The following XPO1 variants were observed in gnomAD, a reference collection of about 807,000 sequenced individuals.
XPO1 encodes exportin-1.
Under a neutral mutation model 133.3 loss-of-function variants are expected in XPO1, and 5 were observed. That is an observed-to-expected ratio of 0.04 (90% CI 0.02 to 0.08). XPO1 has a LOEUF of 0.08. Among genes scored for constraint, XPO1 ranks in the 10% least tolerant of loss-of-function variants. The pLI is 1.00. For missense variants in XPO1, 506 were observed against 1,267.5 expected, an observed-to-expected ratio of 0.40 and a Z score of 9.12; for synonymous variants, 419 against 408.2, an observed-to-expected ratio of 1.03 and a Z score of -0.32.
In XPO1 at chr2:61,479,823, A is replaced by G. The variant is rs574454351; in HGVS notation, c.3070-857T>C. On this transcript the variant is annotated intron_variant, in intron 24 of 24. Transcript: ENST00000401558. ...GACAATCCACCTGTCTCGGCCTCCC[A>G]AAGTGCTAGGATTACAGGCATGAGC... is the stretch of plus-strand genomic sequence containing the variant. 3.9e-5 allele frequency among the ~76,000 whole-genome samples: 6 copies of G among 152,160 alleles called. No individual in the cohort carries two copies. In the East Asian group the frequency reaches 1.2e-3, roughly 29 times the overall value.
chr2:61,523,041 C>CT (rs2104755444), intron 3 of XPO1, among the ~76,000 whole-genome samples: 1 of 152,342 alleles, frequency 6.6e-6, no homozygotes, highest in East Asian at 1.9e-4. Context: ...GGCTCACGTA[C>CT]TTTAACACGA....
At chr2:61,518,408 A>G (rs1698507751) in intron 4 of XPO1, among the ~76,000 whole-genome samples, 1 of 141,694 alleles carries the variant, frequency 7.1e-6, no homozygotes, top group African/African-American at 2.8e-5. Flanking sequence ...AACAAAAAAC[A>G]AAAAACAAAA....
At chr2:61,517,697 C>T (rs77514681) in intron 4 of XPO1, among the ~76,000 whole-genome samples, 15,495 of 152,104 alleles carry the variant, frequency 0.1, 972 homozygotes, top group East Asian at 0.3. Context: ...CAATTTGGGA[C>T]GGCAAAGTAG....
intron 4 of XPO1, among the ~76,000 whole-genome samples, chr2:61,504,504 CTT>C (rs1697699892): frequency 6.6e-6 from 1 of 152,186 alleles, no homozygotes; most frequent in South Asian, 2.1e-4. Context: ...TCACTTTACG[CTT>C]TGTCACCAAA....
chr2:61,513,544 C>T (rs1436188790), intron 4 of XPO1, among the ~76,000 whole-genome samples: 2 of 151,574 alleles, frequency 1.3e-5, no homozygotes, highest in Admixed American at 6.6e-5. Flanking sequence ...AGGCTCGTCT[C>T]GAACTGCTGA....
chr2:61,503,217 A>G (rs1268815487), intron 4 of XPO1, among the ~76,000 whole-genome samples: 3 of 152,018 alleles, frequency 2.0e-5, no homozygotes, highest in Non-Finnish European at 2.9e-5. Context: ...TCGGCCTCCC[A>G]AAGTGCTGGG....
intron 6 of XPO1, among the ~76,000 whole-genome samples, chr2:61,501,421 G>GA (rs1217339519): frequency 6.6e-6 from 1 of 152,012 alleles, no homozygotes; most frequent in Admixed American, 6.6e-5. Flanking sequence ...AGGCATATCA[G>GA]AAAATTAAAA....
chr2:61,531,994 G>A (rs1314612393), intron 2 of XPO1, among the ~76,000 whole-genome samples: 2 of 152,076 alleles, frequency 1.3e-5, no homozygotes, highest in Non-Finnish European at 2.9e-5. Flanking sequence ...CAGTACTGTT[G>A]CATTTCATAA....
chr2:61,481,382 C>G (rs1696344457), intron 23 of XPO1, 101 bp from the exon 24 acceptor site: 2 of 646,844 alleles, frequency 3.1e-6, no homozygotes, highest in East Asian at 6.8e-5. Flanking sequence ...GATCTCTGCT[C>G]ACTGTAATCT....
chr2:61,478,690 C>CAT lies in XPO1; in HGVS notation c.*129_*130insAT, dbSNP rs897148373. 103 of 873,644 alleles carry CAT rather than the reference C, an allele frequency of 1.2e-4. No homozygotes were observed. In the African/African-American group the frequency reaches 1.6e-3, roughly 14 times the overall value. 54.1% of individuals were successfully genotyped at this position (873,644 alleles called of 1,614,324 possible). On this transcript the variant is annotated 3_prime_UTR_variant, in exon 25 of 25. Coordinates refer to ENST00000401558, the MANE Select transcript of XPO1 (RefSeq NM_003400.4). The stretch of plus-strand genomic sequence containing the variant: ...ACAGAAAATTTCTTATACAAAAAAA[C>CAT]ACATAAGAAAAAGGGCCACTAGGTG...
chr2:61,478,259 C>T lies in XPO1; in HGVS notation c.*561G>A, dbSNP rs982707062. ...TTCCCATATTTTTGAAGTCGCTTTA[C>T]AATGGGATGATATGCACATGATCTT... On this transcript the variant is annotated 3_prime_UTR_variant, in exon 25 of 25. Transcript: ENST00000401558. 4 of 233,554 alleles carry T rather than the reference C, an allele frequency of 1.7e-5. No homozygotes were observed. The highest frequency in any genetic ancestry group is 8.8e-5 in the African/African-American group (4 of 45,310). The allele number at this position is 233,554 out of a possible 1,614,324, so 14.5% of individuals were successfully genotyped here. A position where few individuals can be genotyped will look rare whatever the true frequency, so the allele number is the denominator to read the frequency against.
intron 4 of XPO1, among the ~76,000 whole-genome samples, chr2:61,514,593 T>TAAA (rs562982187): frequency 7.2e-5 from 9 of 125,852 alleles, no homozygotes; most frequent in African/African-American, 2.4e-4. Flanking sequence ...ACTCTGTCTT[T>TAAA]AAAAAAAAAA....
rs1573137316 is a variant in XPO1, at chr2:61,495,518, G to A, written c.984C>T (p.Thr328=). The part of the protein sequence containing the change: ...FIQNLSLFLC[T]FLKEHDQLIE... ...TAAGTTGATCATGTTCCTTAAGAAAGGTGCAGAGAAACAAACTGAGATTTT... is the reference window on the plus strand; with the variant it reads ...TAAGTTGATCATGTTCCTTAAGAAAAGTGCAGAGAAACAAACTGAGATTTT... Residue 328 remains threonine (T), a synonymous_variant, in exon 11 of 25, where the codon ACC becomes ACT. Transcript: ENST00000401558. The A allele has an allele frequency of 6.3e-7, 1 of 1,589,518 alleles. No individual in the cohort carries two copies. The highest frequency in any genetic ancestry group is 1.1e-5 in the South Asian group (1 of 87,554).
intron 3 of XPO1, chr2:61,525,130 T>C: frequency 3.5e-6 from 1 of 286,354 alleles, no homozygotes; most frequent in Non-Finnish European, 5.2e-6. Flanking sequence ...ATGCATGAAA[T>C]GATCCCTATG....
rs1696442943 is a variant in XPO1, at chr2:61,482,599, T to G, written c.2813-60A>C. The G allele has an allele frequency of 5.3e-6, 7 of 1,321,788 alleles. No individual in the cohort carries two copies. In the African/African-American group the frequency reaches 1.1e-4, roughly 21 times the overall value. The allele number at this position is 1,321,788 out of a possible 1,614,324, so 81.9% of individuals were successfully genotyped here. ...GTAATATAACTATAGATCTTAGCGT[T>G]TTTTTTTGTTTTGTTTTTTTTTTTT... On this transcript the variant is annotated intron_variant, in intron 22 of 24. Coordinates refer to ENST00000401558, the MANE Select transcript of XPO1 (RefSeq NM_003400.4).
chr2:61,483,139 C>G (rs1696483982), intron 21 of XPO1, 48 bp from the exon 22 acceptor site: 1 of 1,575,348 alleles, frequency 6.3e-7, no homozygotes. Flanking sequence ...ACTGACAGCA[C>G]TCATGATAGT....
At chr2:61,481,628 A>G (rs1696363639) in intron 23 of XPO1, among the ~76,000 whole-genome samples, 1 of 151,746 alleles carries the variant, frequency 6.6e-6, no homozygotes, top group South Asian at 2.1e-4. Context: ...TATTTTTAGT[A>G]GAGACAGGGT....
chr2:61,537,752 A>ACACACACACACACAC lies in XPO1; in HGVS notation c.-198_-197insGTGTGTGTGTGTGTG, dbSNP rs1553419555. 1 of 139,104 alleles carries ACACACACACACACAC rather than the reference A, an allele frequency of 7.2e-6. No homozygotes were observed. Among genetic ancestry groups the ACACACACACACACAC allele is most frequent in the Admixed American group, 7.1e-5 (1 of 14,072 alleles). The allele number at this position is 139,104 out of a possible 1,614,324, so 8.6% of individuals were successfully genotyped here. On this transcript the variant is annotated 5_prime_UTR_variant, in exon 1 of 25. Transcript: ENST00000401558. ...TTACTATTTCAGGGACGCTTCCCCC[A>ACACACACACACACAC]ACACACACACACACACACACACACA...
chr2:61,504,168 A>C (rs1293199145), intron 4 of XPO1, among the ~76,000 whole-genome samples: 1 of 152,252 alleles, frequency 6.6e-6, no homozygotes, highest in Non-Finnish European at 1.5e-5. Flanking sequence ...AAGTTTAGGA[A>C]AAAGTTTTCA....
Sources: gnomAD v4.1 joint callset for allele counts (sites outside exome capture counted in the v4.1 genomes callset) on GRCh38, gnomAD v4.1.1 for gene constraint, MANE v1.5 for transcripts, NCBI Gene and HGNC (gene_info 2026-07-23, HGNC 2026-07-21) for gene names.